CA10: variants seen among roughly 807,000 people sequenced by gnomAD.
CA10 encodes the protein carbonic anhydrase-related protein 10.
In CA10, 14 loss-of-function variants were observed where a neutral mutation model predicts 44.2. That is an observed-to-expected ratio of 0.32 (90% confidence interval 0.21 to 0.50). The LOEUF is 0.50. CA10 is among the 20% of genes least tolerant of loss of function. The probability of loss-of-function intolerance (pLI) is 0.99; values close to 1 mark genes in which losing one functional copy is unlikely to be tolerated. For synonymous variants in CA10, 159 were observed against 141.6 expected, an observed-to-expected ratio of 1.12 and a Z score of -0.87; for missense variants, 350 against 409.7, an observed-to-expected ratio of 0.85 and a Z score of 1.26.
At chr17:51,780,618 G>T (rs1906021089) in intron 3 of CA10, among the ~76,000 whole-genome samples, 1 of 152,186 alleles carries the variant, frequency 6.6e-6, no homozygotes, top group Non-Finnish European at 1.5e-5. Context: ...ATGAACAACT[G>T]CAATAAAATA....
chr17:51,920,580 G>A (rs971860852), intron 3 of CA10, among the ~76,000 whole-genome samples: 19 of 152,106 alleles, frequency 1.2e-4, no homozygotes, highest in African/African-American at 4.3e-4. Context: ...CAACAACCAG[G>A]TGTTTCCTTG....
chr17:51,656,752 A>C (rs946762736), intron 4 of CA10, among the ~76,000 whole-genome samples: 2 of 152,196 alleles, frequency 1.3e-5, no homozygotes, highest in African/African-American at 4.8e-5. Context: ...AGGTCTCCTG[A>C]ATCAAGATCT....
intron 4 of CA10, among the ~76,000 whole-genome samples, chr17:51,670,140 A>G (rs1914361858): frequency 6.6e-6 from 1 of 152,226 alleles, no homozygotes; most frequent in African/African-American, 2.4e-5. Flanking sequence ...CGAGTCAATT[A>G]AACCTCTTTT....
chr17:51,750,179 G>A (rs998580862), intron 3 of CA10, among the ~76,000 whole-genome samples: 12 of 152,042 alleles, frequency 7.9e-5, no homozygotes. Flanking sequence ...ATTATTATAT[G>A]GTTCGAAAGA....
chr17:51,913,653 T>C (rs952887580), intron 3 of CA10, among the ~76,000 whole-genome samples: 1 of 152,244 alleles, frequency 6.6e-6, no homozygotes, highest in Admixed American at 6.5e-5. Context: ...GTTAGAGAAG[T>C]CCGAATGACC....
chr17:52,099,298 T>C (rs561875568), intron 1 of CA10, among the ~76,000 whole-genome samples: 9 of 152,306 alleles, frequency 5.9e-5, no homozygotes, highest in African/African-American at 2.2e-4. Context: ...ACACTGACAT[T>C]GAAAAGGTAG....
At chr17:52,147,720 T>C (rs935188183) in intron 1 of CA10, among the ~76,000 whole-genome samples, 3 of 152,226 alleles carry the variant, frequency 2.0e-5, no homozygotes, top group African/African-American at 7.2e-5. Flanking sequence ...AGTATCATTA[T>C]GGTGCATTAC....
At chr17:51,706,491 G>A (rs1915766292) in intron 4 of CA10, among the ~76,000 whole-genome samples, 1 of 152,192 alleles carries the variant, frequency 6.6e-6, no homozygotes, top group South Asian at 2.1e-4. Context: ...CCACTGCCCT[G>A]GTTCAAGCTA....
chr17:51,631,795 C>T (rs1237164365), intron 8 of CA10, among the ~76,000 whole-genome samples, 189 bp from the exon 9 acceptor site: 1 of 152,090 alleles, frequency 6.6e-6, no homozygotes, highest in Non-Finnish European at 1.5e-5. Context: ...CTATACTGAC[C>T]AATATGGTGG....
chr17:51,672,788 A>G (rs1597976588), intron 4 of CA10, among the ~76,000 whole-genome samples: 1 of 152,224 alleles, frequency 6.6e-6, no homozygotes, highest in East Asian at 1.9e-4. Flanking sequence ...TGCCCAGGGG[A>G]GCTGAATTGA....
At chr17:51,649,110 C>T in intron 6 of CA10, 72 bp downstream of exon 6, 1 of 1,083,580 alleles carries the variant, frequency 9.2e-7, no homozygotes, top group East Asian at 2.4e-5. Flanking sequence ...ATCATCAGTT[C>T]TGGCTTCCCG....
rs140785033 is a variant in CA10 at position 51,680,921 on chromosome 17, C to G, written c.466-27185G>C. Among the ~76,000 whole-genome samples the G allele has an allele frequency of 9.9e-4, 150 of 152,256 alleles. 1 individual carries two copies. In the East Asian group the frequency reaches 0.026, roughly 26 times the overall value. ...AGACCAAAAGACTTCCATTTCCCCCCCAACATTCCCAGAGAGCCAGAATGC... is the reference window on the plus strand; with the variant it reads ...AGACCAAAAGACTTCCATTTCCCCCGCAACATTCCCAGAGAGCCAGAATGC... On this transcript the variant is annotated intron_variant, in intron 4 of 8. Coordinates refer to ENST00000451037, the MANE Select transcript of CA10 (RefSeq NM_020178.5).
At chr17:51,992,962 G>A (rs1985096020) in intron 2 of CA10, among the ~76,000 whole-genome samples, 1 of 152,100 alleles carries the variant, frequency 6.6e-6, no homozygotes, top group Non-Finnish European at 1.5e-5. Context: ...TTGTTTACTT[G>A]ATGCTAAATA....
intron 3 of CA10, among the ~76,000 whole-genome samples, chr17:51,751,871 C>G (rs1904903309): frequency 6.6e-6 from 1 of 152,156 alleles, no homozygotes. Flanking sequence ...TTCATTCATT[C>G]ATTCGCTTGG....
chr17:52,061,855 G>T (rs1471979702), intron 2 of CA10, among the ~76,000 whole-genome samples: 1 of 152,088 alleles, frequency 6.6e-6, no homozygotes, highest in Non-Finnish European at 1.5e-5. Context: ...TGTGAAAAAG[G>T]ACTAGCACAT....
chr17:51,995,696 G>A (rs540950156), intron 2 of CA10, among the ~76,000 whole-genome samples: 1 of 152,026 alleles, frequency 6.6e-6, no homozygotes, highest in East Asian at 1.9e-4. Flanking sequence ...TTGTGCAAAG[G>A]TTCTCTGACT....
At position 51,677,281 on chromosome 17, in the gene CA10, T is replaced by C. The variant is rs566000154; in HGVS notation, c.466-23545A>G. ...AGGTTACTGGATCATGTGGGCGGAG[T>C]TCTCATGAATGGTTTAGCACCATCC... On this transcript the variant is annotated intron_variant, in intron 4 of 8. Coordinates refer to ENST00000451037, the MANE Select transcript of CA10 (RefSeq NM_020178.5). Among the ~76,000 whole-genome samples the C allele has an allele frequency of 2.1e-4, 32 of 152,080 alleles. 1 individual carries two copies. The highest frequency in any genetic ancestry group is 7.7e-4 in the African/African-American group (32 of 41,492).
At chr17:51,942,992 ATT>A (rs1983141917) in intron 2 of CA10, among the ~76,000 whole-genome samples, 1 of 151,984 alleles carries the variant, frequency 6.6e-6, no homozygotes, top group South Asian at 2.1e-4. Flanking sequence ...TTTGCATACC[ATT>A]TTCTCTCCCG....
chr17:52,004,332 C>T (rs1032672511), intron 2 of CA10, among the ~76,000 whole-genome samples: 1 of 151,930 alleles, frequency 6.6e-6, no homozygotes, highest in South Asian at 2.1e-4. Context: ...TTCATAATTT[C>T]TTAACTGGAA....
Sources: allele counts gnomAD v4.1 joint callset (sites outside exome capture counted in the v4.1 genomes callset), GRCh38; gene constraint gnomAD v4.1.1; transcripts MANE v1.5; gene names NCBI Gene and HGNC (gene_info 2026-07-23, HGNC 2026-07-21).